The following NR5A2 variants were observed in gnomAD, a reference collection of about 807,000 sequenced individuals.
The protein encoded by NR5A2 is nuclear receptor subfamily 5 group A member 2.
A neutral mutation model predicts 62.7 loss-of-function variants in NR5A2; 26 were observed. The ratio of observed to expected loss-of-function variants is 0.41; its 90% CI spans 0.30 to 0.58. The LOEUF is 0.58. Ranked by LOEUF, NR5A2 falls within the 20% of genes least tolerant of loss-of-function variation. The probability of loss-of-function intolerance (pLI) is 0.22; values close to 1 mark genes in which losing one functional copy is unlikely to be tolerated. For synonymous variants in NR5A2, 246 were observed against 241.7 expected, an observed-to-expected ratio of 1.02 and a Z score of -0.16; for missense variants, 541 against 669.1, an observed-to-expected ratio of 0.81 and a Z score of 2.11.
At chr1:200,148,569 G>T (rs1424580646) in intron 7 of NR5A2, among the ~76,000 whole-genome samples, 1 of 152,162 alleles carries the variant, frequency 6.6e-6, no homozygotes, top group Non-Finnish European at 1.5e-5. Context: ...CAGGCCAGGG[G>T]GCCAGAGAGG....
chr1:200,098,231 C>T (rs546338751), intron 5 of NR5A2, among the ~76,000 whole-genome samples: 3 of 152,232 alleles, frequency 2.0e-5, no homozygotes, highest in East Asian at 1.9e-4. Context: ...CAGTTCATCT[C>T]CCAAACAGAA....
At position 200,130,306 on chromosome 1, in the gene NR5A2, GAAGAAGAAGAAGAAGAAA is replaced by G. The variant is rs1401104820; in HGVS notation, c.1378+9354_1378+9371del. Reference sequence around the variant, plus strand: ...AGAAGAAGAAGAAGAAGAAGAAGAAGAAGAAGAAGAAGAAGAAAAAAAAAATCCAACAGAGAAATTTGA... The same window carrying G: ...AGAAGAAGAAGAAGAAGAAGAAGAAGAAAAAAATCCAACAGAGAAATTTGA... On this transcript the variant is annotated intron_variant, in intron 7 of 7. Coordinates refer to ENST00000367362, the MANE Select transcript of NR5A2 (RefSeq NM_205860.3). Among the ~76,000 whole-genome samples, 106 of 8,414 alleles carry G rather than the reference GAAGAAGAAGAAGAAGAAA, an allele frequency of 0.013. 2 individuals are homozygous for G. The East Asian group carries it at 0.32, about 25-fold the overall frequency. The allele number at this position is 8,414 out of a possible 152,430, so 5.5% of individuals were successfully genotyped here.
chr1:200,041,843 C>T (rs901664932), intron 2 of NR5A2, among the ~76,000 whole-genome samples: 14 of 152,156 alleles, frequency 9.2e-5, no homozygotes, highest in African/African-American at 3.1e-4. Context: ...GTCGGGTCCC[C>T]GAGGTAGGCA....
intron 7 of NR5A2, among the ~76,000 whole-genome samples, chr1:200,135,861 G>A (rs781021952): frequency 2.0e-5 from 3 of 152,118 alleles, no homozygotes; most frequent in African/African-American, 4.8e-5. Context: ...GCTGCTTATC[G>A]GGAAATGCCT....
At position 200,147,217 on chromosome 1, in the gene NR5A2, T is replaced by C. The variant is rs935924840; in HGVS notation, c.1378+26262T>C. ...CAAAAAATAGAGGGGGGCACCTCGC[T>C]GAAGCCAGCGAGGCCGCTGCACCAC... is the stretch of plus-strand genomic sequence containing the variant. On this transcript the variant is annotated intron_variant, in intron 7 of 7. Transcript: ENST00000367362. This position sits in a 1 kb window ranked among gnomAD's most constrained non-coding sequence, Gnocchi z 4.9. Among the ~76,000 whole-genome samples, 2 of 152,240 alleles carry C rather than the reference T, an allele frequency of 1.3e-5. No individual in the cohort carries two copies. Among genetic ancestry groups the C allele is most frequent in the African/African-American group, 4.8e-5 (2 of 41,450 alleles).
chr1:200,065,061 A>G (rs879841387), intron 5 of NR5A2, among the ~76,000 whole-genome samples: 9 of 152,156 alleles, frequency 5.9e-5, no homozygotes, highest in Admixed American at 5.9e-4. Flanking sequence ...TTGGGGTTAC[A>G]GGCTTGATCC....
intron 1 of NR5A2, chr1:200,038,621 C>A (rs1317533925): frequency 1.1e-6 from 1 of 944,284 alleles, no homozygotes. Context: ...GTGTTTAACT[C>A]CCTTCATCTC....
intron 5 of NR5A2, among the ~76,000 whole-genome samples, chr1:200,050,044 C>T (rs950451703): frequency 2.6e-5 from 4 of 152,206 alleles, no homozygotes; most frequent in Admixed American, 1.3e-4. Flanking sequence ...TTTATTTCCA[C>T]GTCCTTTATT....
At chr1:200,168,422 G>A (rs1304865645) in intron 7 of NR5A2, among the ~76,000 whole-genome samples, 4 of 152,012 alleles carry the variant, frequency 2.6e-5, no homozygotes, top group Non-Finnish European at 4.4e-5. Flanking sequence ...TTGCTGTGGT[G>A]CCTAGGCTGG....
At chr1:200,169,057 C>T (rs530777698) in intron 7 of NR5A2, among the ~76,000 whole-genome samples, 3 of 152,048 alleles carry the variant, frequency 2.0e-5, no homozygotes, top group Non-Finnish European at 2.9e-5. Flanking sequence ...TAAACCAGCT[C>T]GCACCTGTAA....
intron 7 of NR5A2, among the ~76,000 whole-genome samples, chr1:200,129,232 C>T (rs1467936265): frequency 1.4e-5 from 2 of 148,126 alleles, no homozygotes; most frequent in Non-Finnish European, 3.0e-5. Flanking sequence ...TTGAGACTCT[C>T]TCTCTCTCTG....
chr1:200,031,529 A>G (rs12726456), intron 1 of NR5A2, among the ~76,000 whole-genome samples: 1 of 151,524 alleles, frequency 6.6e-6, no homozygotes, highest in African/African-American at 2.4e-5. Context: ...AAACAAAACA[A>G]AACAAAACAA....
rs369542811 is a variant in NR5A2, at chr1:200,120,869, C to T, written c.1292C>T (p.Ala431Val). ...GATLNNLMSH[A>V]QELVAKLRSL... ...ACCCTCAACAACCTCATGAGTCATG[C>T]ACAGGAGTTAGTGGCAAAACTTCGT... Residue 431 changes from alanine to valine, a missense_variant, in exon 7 of 8, where the codon GCA (alanine) becomes GTA (valine). Coordinates refer to ENST00000367362, the MANE Select transcript of NR5A2 (RefSeq NM_205860.3). 1 of 1,609,656 alleles carries T rather than the reference C, an allele frequency of 6.2e-7. No individual in the cohort carries two copies. Among genetic ancestry groups the T allele is most frequent in the Non-Finnish European group, 8.5e-7 (1 of 1,178,218 alleles).
At chr1:200,097,307 T>C (rs1295784957) in intron 5 of NR5A2, among the ~76,000 whole-genome samples, 1 of 152,220 alleles carries the variant, frequency 6.6e-6, no homozygotes, top group Non-Finnish European at 1.5e-5. Flanking sequence ...TTATTCCTAC[T>C]GTGTGAAATC....
At chr1:200,105,786 T>C (rs993505062) in intron 5 of NR5A2, among the ~76,000 whole-genome samples, 1 of 151,820 alleles carries the variant, frequency 6.6e-6, no homozygotes, top group African/African-American at 2.4e-5. Flanking sequence ...AACTCGTCTC[T>C]ACAAAAAAGA....
At chr1:200,077,653 G>A (rs1264196105) in intron 5 of NR5A2, among the ~76,000 whole-genome samples, 3 of 152,228 alleles carry the variant, frequency 2.0e-5, no homozygotes, top group Non-Finnish European at 4.4e-5. Flanking sequence ...GGCGGAGGTT[G>A]CAGTGAGCCA....
intron 5 of NR5A2, among the ~76,000 whole-genome samples, chr1:200,088,543 C>T (rs1571452533): frequency 2.6e-5 from 4 of 151,574 alleles, no homozygotes; most frequent in Admixed American, 2.6e-4. Context: ...AGGCGTGAGC[C>T]ACCATGCCTG....
At chr1:200,122,182 CA>C (rs2102312328) in intron 7 of NR5A2, among the ~76,000 whole-genome samples, 1 of 152,142 alleles carries the variant, frequency 6.6e-6, no homozygotes, top group African/African-American at 2.4e-5. Flanking sequence ...GTATTAACCA[CA>C]ATAAAAAGGA....
At chr1:200,028,230 AAAT>A (rs774413431) in intron 1 of NR5A2, among the ~76,000 whole-genome samples, 119 of 152,232 alleles carry the variant, frequency 7.8e-4, no homozygotes, top group Non-Finnish European at 1.4e-3. Context: ...TTTTAATCAG[AAAT>A]AATAAGCTAA....
Sources: allele counts gnomAD v4.1 joint callset (sites outside exome capture counted in the v4.1 genomes callset), GRCh38; gene constraint gnomAD v4.1.1; non-coding constraint Gnocchi (gnomAD v3.1); transcripts MANE v1.5; gene names NCBI Gene and HGNC (gene_info 2026-07-23, HGNC 2026-07-21).